Variants in SYNPO2 observed in about 807,000 individuals in gnomAD.
SYNPO2 encodes the protein synaptopodin-2.
Under a neutral mutation model 85.0 loss-of-function variants are expected in SYNPO2, and 56 were observed. The ratio of observed to expected loss-of-function variants is 0.66; its 90% confidence interval spans 0.53 to 0.82. The LOEUF (loss-of-function observed/expected upper bound fraction) is 0.82. Among genes scored for constraint, SYNPO2 ranks in the 40% least tolerant of loss-of-function variants. The pLI, the probability that SYNPO2 is intolerant of heterozygous loss-of-function variation, is 0.00. For synonymous variants in SYNPO2, 602 were observed against 591.1 expected, an observed-to-expected ratio of 1.02 and a Z score of -0.27; for missense variants, 1,575 against 1,534.2, an observed-to-expected ratio of 1.03 and a Z score of -0.44.
chr4:118,862,388 A>G (rs1441972384), intron 1 of SYNPO2, among the ~76,000 whole-genome samples: 3 of 152,306 alleles, frequency 2.0e-5, no homozygotes, highest in African/African-American at 4.8e-5. Context: ...GACAGTGGGC[A>G]TCCTTGTGGT....
At chr4:118,972,330 G>A (rs1735570113) in intron 1 of SYNPO2, among the ~76,000 whole-genome samples, 1 of 151,952 alleles carries the variant, frequency 6.6e-6, no homozygotes, top group Non-Finnish European at 1.5e-5. Context: ...TGTAGTCCCA[G>A]CTACTTAGGA....
At chr4:118,851,717 G>A (rs183791526) in intron 1 of SYNPO2, among the ~76,000 whole-genome samples, 3 of 151,990 alleles carry the variant, frequency 2.0e-5, no homozygotes, top group Non-Finnish European at 4.4e-5. Flanking sequence ...GAGAATAGTG[G>A]CATTATTTTA....
intron 4 of SYNPO2, chr4:119,038,484 T>G: frequency 1.0e-6 from 1 of 985,444 alleles, no homozygotes; most frequent in Non-Finnish European, 1.2e-6. Flanking sequence ...AGAATGTGAT[T>G]TTTAAAAATA....
In SYNPO2 at chr4:118,890,799, TA is replaced by T. The variant is rs1269697684; in HGVS notation, c.105+1660del. ...TATTTTAACTTAGGTGGTAAAGAAG[TA>T]AGAAAGAAATTGGACTGTGCAGTCT... On this transcript the variant is annotated intron_variant, in intron 1 of 4. Coordinates refer to ENST00000307142, the MANE Select transcript of SYNPO2 (RefSeq NM_133477.3). Among the ~76,000 whole-genome samples the T allele has an allele frequency of 4.0e-5, 6 of 149,854 alleles. No individual in the cohort carries two copies. The Admixed American group carries it at 4.0e-4, about 10-fold the overall frequency.
In SYNPO2 at chr4:119,003,105, T is replaced by A. The variant is rs542945396; in HGVS notation, c.106-20325T>A. On this transcript the variant is annotated intron_variant, in intron 1 of 4. Coordinates refer to ENST00000307142, the MANE Select transcript of SYNPO2 (RefSeq NM_133477.3). Reference sequence around the variant, plus strand: ...CTGTATTAGTCCACTGCTGTATTAGTCACACTGCTATAAAGAAATACCCAA... The same window carrying A: ...CTGTATTAGTCCACTGCTGTATTAGACACACTGCTATAAAGAAATACCCAA... 1.5e-3 allele frequency among the ~76,000 whole-genome samples: 235 copies of A among 152,268 alleles called. 2 individuals carry two copies. The highest frequency in any genetic ancestry group is 5.4e-3 in the African/African-American group (224 of 41,548).
intron 1 of SYNPO2, among the ~76,000 whole-genome samples, chr4:118,851,664 T>C (rs566032538): frequency 6.6e-6 from 1 of 152,344 alleles, no homozygotes; most frequent in South Asian, 2.1e-4. Flanking sequence ...TAAGTAACAT[T>C]TTGATTAAAA....
At chr4:118,881,609 G>C (rs1279693346) in intron 1 of SYNPO2, among the ~76,000 whole-genome samples, 1 of 152,216 alleles carries the variant, frequency 6.6e-6, no homozygotes, top group Non-Finnish European at 1.5e-5. Flanking sequence ...AGTTGCTGGG[G>C]AGCGTCCCCT....
exon 1 of SYNPO2, chr4:118,850,858 G>T: frequency 5.0e-6 from 2 of 398,616 alleles, no homozygotes; most frequent in East Asian, 3.6e-5. Flanking sequence ...GGACAGAACT[G>T]CAGGAAGCAT....
intron 1 of SYNPO2, among the ~76,000 whole-genome samples, chr4:118,907,975 T>C (rs1234537256): frequency 6.6e-6 from 1 of 152,204 alleles, no homozygotes. Context: ...TAATTTTTAA[T>C]GGCTGTGTAG....
intron 1 of SYNPO2, among the ~76,000 whole-genome samples, chr4:119,022,880 A>G (rs1229843314): frequency 6.6e-6 from 1 of 151,582 alleles, no homozygotes; most frequent in African/African-American, 2.4e-5. Flanking sequence ...GGGCTCATGC[A>G]ATTCTCCTGC....
At chr4:118,873,475 G>A (rs1446245535) in intron 1 of SYNPO2, among the ~76,000 whole-genome samples, 2 of 151,794 alleles carry the variant, frequency 1.3e-5, no homozygotes, top group Non-Finnish European at 2.9e-5. Context: ...TTTTTCATAT[G>A]CCTAGTGGCT....
At chr4:118,954,599 C>T (rs375611990) in intron 1 of SYNPO2, among the ~76,000 whole-genome samples, 1 of 152,188 alleles carries the variant, frequency 6.6e-6, no homozygotes, top group African/African-American at 2.4e-5. Flanking sequence ...GGGGAAAATA[C>T]TTATTTGTAT....
intron 1 of SYNPO2, among the ~76,000 whole-genome samples, chr4:118,977,038 G>A (rs1307742327): frequency 2.0e-5 from 3 of 152,208 alleles, no homozygotes; most frequent in African/African-American, 4.8e-5. Flanking sequence ...CCAGTCCGGC[G>A]CCGTGCGCTC....
At chr4:118,969,973 T>C (rs1192963030) in intron 1 of SYNPO2, among the ~76,000 whole-genome samples, 1 of 152,200 alleles carries the variant, frequency 6.6e-6, no homozygotes, top group African/African-American at 2.4e-5. Flanking sequence ...AGCACTTTCA[T>C]TGTTTCAATT....
At chr4:118,894,839 A>G (rs926818568) in intron 1 of SYNPO2, among the ~76,000 whole-genome samples, 1 of 125,688 alleles carries the variant, frequency 8.0e-6, no homozygotes, top group African/African-American at 2.6e-5. Flanking sequence ...TCACATTTTA[A>G]AAAAAAAAAA....
Position 119,057,578 on chromosome 4 carries a change from G to A in SYNPO2, c.3430G>A (p.Asp1144Asn), listed in dbSNP as rs1464707851. Reference sequence around the variant, plus strand: ...AGCAAAGTCTCCTCTCGGTCTAGTGGATGATGCTTTCCAACCCAGAAACAT... The same window carrying A: ...AGCAAAGTCTCCTCTCGGTCTAGTGAATGATGCTTTCCAACCCAGAAACAT... ...AAAKSPLGLV[D>N]DAFQPRNIQE... The change falls in exon 5 of 5, where the codon GAT becomes AAT. Residue 1144 changes from aspartate (D) to asparagine (N), a missense_variant. Transcript: ENST00000307142. 1 of 1,613,934 alleles carries A rather than the reference G, an allele frequency of 6.2e-7. No homozygotes were observed. The highest frequency in any genetic ancestry group is 1.7e-5 in the Admixed American group (1 of 59,994).
rs555735141 is a variant in SYNPO2 at position 119,012,423 on chromosome 4, C to T, written c.106-11007C>T. Among the ~76,000 whole-genome samples, 21 of 131,816 alleles carry T rather than the reference C, an allele frequency of 1.6e-4. 1 individual carries two copies. The South Asian group carries it at 5.0e-3, about 31-fold the overall frequency. 86.5% of individuals were successfully genotyped at this position (131,816 alleles called of 152,430 possible). A position where few individuals can be genotyped will look rare whatever the true frequency, so the allele number is the denominator to read the frequency against. ...TACTTTAAGTTCTGGGATACATGTGCAGAACGTGCAGGTTTGTTACATAGG... is the reference window on the plus strand; with the variant it reads ...TACTTTAAGTTCTGGGATACATGTGTAGAACGTGCAGGTTTGTTACATAGG... On this transcript the variant is annotated intron_variant, in intron 1 of 4. Coordinates refer to ENST00000307142, the MANE Select transcript of SYNPO2 (RefSeq NM_133477.3).
chr4:119,037,394 T>A, intron 4 of SYNPO2: 1 of 1,209,582 alleles, frequency 8.3e-7, no homozygotes. Flanking sequence ...AAAAAAAAAA[T>A]TCACATTCTA....
chr4:119,007,283 CATATATATATATATGTATAT>C (rs1737111680), intron 1 of SYNPO2, among the ~76,000 whole-genome samples: 2 of 39,760 alleles, frequency 5.0e-5, no homozygotes, highest in South Asian at 9.5e-4. Flanking sequence ...TATGTATATA[CATATATATATATATGTATAT>C]ACACGCACAT....
Sources: allele counts gnomAD v4.1 joint callset (sites outside exome capture counted in the v4.1 genomes callset), GRCh38; gene constraint gnomAD v4.1.1; transcripts MANE v1.5; gene names NCBI Gene and HGNC (gene_info 2026-07-23, HGNC 2026-07-21).